The following CNTN6 variants were observed in gnomAD, a reference collection of about 807,000 sequenced individuals.
CNTN6 encodes the protein contactin 6.
Under a neutral mutation model 122.8 loss-of-function variants are expected in CNTN6, and 137 were observed. The observed-to-expected ratio is 1.12, with a 90% CI of 0.97 to 1.29. CNTN6 has a LOEUF of 1.29. Among genes scored for constraint, CNTN6 ranks in the 50% most tolerant of loss-of-function variants. CNTN6 has a pLI of 0.00. For missense variants in CNTN6, 1,634 were observed against 1,223.4 expected (o/e 1.34, Z -5.01); for synonymous variants, 570 against 426.0 (o/e 1.34, Z -4.16).
In CNTN6 at chr3:1,385,734, G is replaced by C. The variant is rs752093524; in HGVS notation, c.2641G>C (p.Ala881Pro). Residue 881 changes from alanine to proline, a missense_variant, in exon 20 of 23, where the codon GCT (alanine) becomes CCT (proline). Ala to Pro is a conservative substitution (Grantham distance 27). Coordinates refer to ENST00000446702, the MANE Select transcript of CNTN6 (RefSeq NM_001289080.2). ...ANTIYFASVR[A>P]YNTAGTGPSS... ...TACCATCTACTTTGCTTCCGTAAGA[G>C]CTTACAACACTGCTGGGACAGGGCC... The C allele has an allele frequency of 1.4e-5, 23 of 1,613,976 alleles. No individual in the cohort carries two copies. Among genetic ancestry groups the C allele is most frequent in the Non-Finnish European group, 1.9e-5 (22 of 1,179,968 alleles).
intron 2 of CNTN6, among the ~76,000 whole-genome samples, chr3:1,201,737 A>C (rs1370243244): frequency 6.6e-6 from 1 of 152,300 alleles, no homozygotes; most frequent in East Asian, 1.9e-4. Context: ...TTTTCACTTC[A>C]TTTAGACTTA....
intron 2 of CNTN6, among the ~76,000 whole-genome samples, chr3:1,219,175 C>G (rs2094170606): frequency 6.6e-6 from 1 of 152,112 alleles, no homozygotes; most frequent in South Asian, 2.1e-4. Flanking sequence ...CCACAAAACA[C>G]TAATTATAAA....
At chr3:1,226,481 T>C (rs2094285514) in intron 3 of CNTN6, among the ~76,000 whole-genome samples, 1 of 152,150 alleles carries the variant, frequency 6.6e-6, no homozygotes, top group Non-Finnish European at 1.5e-5. Flanking sequence ...AAGCAGGTCA[T>C]AAAACCTTTA....
intron 2 of CNTN6, among the ~76,000 whole-genome samples, chr3:1,204,565 TTC>T (rs3836247): frequency 0.34 from 51,089 of 151,856 alleles, 9,212 homozygotes; most frequent in African/African-American, 0.49. Flanking sequence ...CACCTCTCCC[TTC>T]TCTTTGCTGT....
chr3:1,262,522 C>T (rs150951045), intron 4 of CNTN6, among the ~76,000 whole-genome samples: 188 of 152,220 alleles, frequency 1.2e-3, no homozygotes, highest in African/African-American at 4.2e-3. Context: ...ACTCCACCCC[C>T]GCTTTAGTTT....
chr3:1,355,010 T>A (rs745673621), intron 12 of CNTN6, among the ~76,000 whole-genome samples: 6 of 151,480 alleles, frequency 4.0e-5, no homozygotes, highest in Non-Finnish European at 8.9e-5. Flanking sequence ...GGAGAATAAC[T>A]CACATATACA....
intron 5 of CNTN6, among the ~76,000 whole-genome samples, chr3:1,292,503 C>G (rs1695499608): frequency 1.3e-5 from 2 of 152,084 alleles, no homozygotes; most frequent in Admixed American, 1.3e-4. Flanking sequence ...ATACCTGGCT[C>G]AGATAGAATA....
chr3:1,147,835 TATTAA>T (rs1299082588), intron 1 of CNTN6, 87 bp from the exon 2 acceptor site: 9 of 479,248 alleles, frequency 1.9e-5, no homozygotes, highest in East Asian at 3.0e-5. Context: ...ATAATATTAA[TATTAA>T]ATTGAATTAA....
intron 4 of CNTN6, among the ~76,000 whole-genome samples, chr3:1,229,853 A>G (rs2094331853): frequency 6.6e-6 from 1 of 152,136 alleles, no homozygotes; most frequent in South Asian, 2.1e-4. Context: ...AAGCATTTCT[A>G]TTACCTTTAA....
At chr3:1,403,014 A>G (rs114059219) in intron 22 of CNTN6, among the ~76,000 whole-genome samples, 1,647 of 152,202 alleles carry the variant, frequency 0.011, 25 homozygotes, top group African/African-American at 0.037. Context: ...TAGAAAAATC[A>G]CTTACTCATC....
intron 12 of CNTN6, among the ~76,000 whole-genome samples, chr3:1,355,889 G>C (rs1179231294): frequency 1.3e-5 from 2 of 151,930 alleles, no homozygotes; most frequent in South Asian, 4.1e-4. Flanking sequence ...TCTCTGTTAA[G>C]AGGATTCTGA....
At chr3:1,167,097 G>A (rs372288567) in intron 2 of CNTN6, among the ~76,000 whole-genome samples, 5 of 150,992 alleles carry the variant, frequency 3.3e-5, no homozygotes, top group African/African-American at 1.2e-4. Context: ...GCAGTAGAGT[G>A]GTAGGGATGA....
rs905225655 is a variant in CNTN6 at position 1,341,216 on chromosome 3, T to A, written c.1365-11108T>A. On this transcript the variant is annotated intron_variant, in intron 11 of 22. Transcript: ENST00000446702. Reference sequence around the variant, plus strand: ...TTTTTTTTAATTTATTTCTTTAAAGTCCTGCATTCACACATTTTTGTGTCC... The same window carrying A: ...TTTTTTTTAATTTATTTCTTTAAAGACCTGCATTCACACATTTTTGTGTCC... Among the ~76,000 whole-genome samples the A allele has an allele frequency of 6.6e-5, 10 of 152,004 alleles. No homozygotes were observed. In the East Asian group the frequency reaches 1.7e-3, roughly 26 times the overall value.
At chr3:1,293,335 G>T (rs899530) in intron 5 of CNTN6, among the ~76,000 whole-genome samples, 7,017 of 146,220 alleles carry the variant, frequency 0.048, 210 homozygotes, top group East Asian at 0.07. Flanking sequence ...TTTTTTTCTC[G>T]ATGGAAGGGA....
At chr3:1,152,509 G>A (rs1366784067) in intron 2 of CNTN6, among the ~76,000 whole-genome samples, 3 of 151,896 alleles carry the variant, frequency 2.0e-5, no homozygotes, top group Admixed American at 2.0e-4. Context: ...AACCACGTAG[G>A]GTCAAATTTT....
chr3:1,331,741 A>G (rs1385071008), intron 11 of CNTN6, among the ~76,000 whole-genome samples: 4 of 151,808 alleles, frequency 2.6e-5, no homozygotes, highest in Non-Finnish European at 5.9e-5. Flanking sequence ...GATGGCATTT[A>G]CCTTCCACAA....
At chr3:1,315,853 C>T (rs566753365) in intron 7 of CNTN6, among the ~76,000 whole-genome samples, 1 of 151,982 alleles carries the variant, frequency 6.6e-6, no homozygotes, top group South Asian at 2.1e-4. Context: ...TGGTGAGATG[C>T]AGGAAATTTA....
At chr3:1,208,963 T>A (rs925396983) in intron 2 of CNTN6, among the ~76,000 whole-genome samples, 1 of 152,160 alleles carries the variant, frequency 6.6e-6, no homozygotes, top group Non-Finnish European at 1.5e-5. Flanking sequence ...AGTTTACTTA[T>A]GTTGGATTTA....
At chr3:1,313,651 GC>G (rs1699707159) in intron 7 of CNTN6, among the ~76,000 whole-genome samples, 2 of 152,058 alleles carry the variant, frequency 1.3e-5, no homozygotes. Flanking sequence ...ACCATTTGTG[GC>G]TTTTCAAAGA....
Sources: gnomAD v4.1 joint callset for allele counts (sites outside exome capture counted in the v4.1 genomes callset) on GRCh38, gnomAD v4.1.1 for gene constraint, MANE v1.5 for transcripts, NCBI Gene and HGNC (gene_info 2026-07-23, HGNC 2026-07-21) for gene names.